The following PEX5L variants were observed in gnomAD, a reference collection of about 807,000 sequenced individuals.
PEX5L encodes the protein peroxisomal biogenesis factor 5 like, also known as PEX5-related protein.
A neutral mutation model predicts 84.0 loss-of-function variants in PEX5L; 30 were observed. That is an observed-to-expected ratio of 0.36 (90% confidence interval 0.27 to 0.48). The LOEUF (loss-of-function observed/expected upper bound fraction) is 0.48, where lower values mean the gene tolerates loss of function less well. PEX5L is among the 20% of genes least tolerant of loss of function. The pLI is 0.99. For missense variants in PEX5L, 533 were observed against 754.6 expected, an observed-to-expected ratio of 0.71 and a Z score of 3.44; for synonymous variants, 270 against 283.1, an observed-to-expected ratio of 0.95 and a Z score of 0.46.
chr3:179,975,721 C>T (rs1469026849), intron 1 of PEX5L, among the ~76,000 whole-genome samples: 1 of 152,158 alleles, frequency 6.6e-6, no homozygotes, highest in East Asian at 1.9e-4. Flanking sequence ...TCCTCTTTTT[C>T]ACCTATCTTC....
intron 2 of PEX5L, among the ~76,000 whole-genome samples, chr3:179,927,918 A>T (rs1771912793): frequency 6.6e-6 from 1 of 152,238 alleles, no homozygotes; most frequent in Admixed American, 6.5e-5. Context: ...TATATCAAAA[A>T]TTATCATTTC....
chr3:179,953,214 A>T (rs1242834427), intron 2 of PEX5L, among the ~76,000 whole-genome samples: 1 of 152,202 alleles, frequency 6.6e-6, no homozygotes, highest in Admixed American at 6.5e-5. Flanking sequence ...TGACTAAAAC[A>T]CCAAAAGCAA....
At chr3:179,899,782 T>C (rs944743716) in intron 2 of PEX5L, among the ~76,000 whole-genome samples, 1 of 152,194 alleles carries the variant, frequency 6.6e-6, no homozygotes, top group Non-Finnish European at 1.5e-5. Context: ...TATTGAATTA[T>C]AATGTGTTAT....
intron 8 of PEX5L, among the ~76,000 whole-genome samples, chr3:179,829,282 A>G (rs1210757016): frequency 6.6e-6 from 1 of 152,210 alleles, no homozygotes; most frequent in Non-Finnish European, 1.5e-5. Flanking sequence ...CTGAAGTAAG[A>G]GAAATTCTCT....
intron 1 of PEX5L, among the ~76,000 whole-genome samples, chr3:180,011,330 G>A (rs1199812401): frequency 6.6e-6 from 1 of 152,166 alleles, no homozygotes; most frequent in Admixed American, 6.5e-5. Flanking sequence ...CGACGATTTA[G>A]CTATTCAGAG....
intron 1 of PEX5L, among the ~76,000 whole-genome samples, chr3:179,988,165 C>T (rs891644093): frequency 6.6e-6 from 1 of 152,018 alleles, no homozygotes; most frequent in Non-Finnish European, 1.5e-5. Context: ...TTTAGGAGGC[C>T]AAGGTGGGTG....
chr3:179,870,978 A>T (rs532686854), intron 7 of PEX5L, among the ~76,000 whole-genome samples: 65 of 152,282 alleles, frequency 4.3e-4, no homozygotes, highest in Middle Eastern at 3.4e-3. Flanking sequence ...TCTGAAATAC[A>T]ATTTTTAAAG....
intron 1 of PEX5L, among the ~76,000 whole-genome samples, chr3:179,991,585 T>G (rs1042205848): frequency 6.6e-6 from 1 of 152,162 alleles, no homozygotes; most frequent in African/African-American, 2.4e-5. Flanking sequence ...GAGAAAGCAT[T>G]GTCTGGCAGG....
At chr3:179,916,801 C>T (rs533575854) in intron 2 of PEX5L, among the ~76,000 whole-genome samples, 16 of 152,162 alleles carry the variant, frequency 1.1e-4, no homozygotes, top group African/African-American at 3.6e-4. Flanking sequence ...TCCTGAGCGG[C>T]TAGGATTACA....
chr3:180,025,856 T>A (rs550892589), intron 1 of PEX5L, among the ~76,000 whole-genome samples: 1 of 152,356 alleles, frequency 6.6e-6, no homozygotes, highest in South Asian at 2.1e-4. Flanking sequence ...ATTATTATAT[T>A]CTAAGACCCT....
At chr3:180,026,096 G>C (rs1461465715) in intron 1 of PEX5L, among the ~76,000 whole-genome samples, 1 of 149,858 alleles carries the variant, frequency 6.7e-6, no homozygotes, top group Non-Finnish European at 1.5e-5. Flanking sequence ...ATTATTAAGC[G>C]ACGTATGATG....
rs1716993120 is a variant in PEX5L, at chr3:179,796,449, G to C, written c.*5379C>G. 1.3e-5 allele frequency: 2 copies of C among 151,918 alleles called. No homozygotes were observed. The highest frequency in any genetic ancestry group is 2.9e-5 in the Non-Finnish European group (2 of 67,990). 9.4% of individuals were successfully genotyped at this position (151,918 alleles called of 1,614,324 possible). A position where few individuals can be genotyped will look rare whatever the true frequency, so the allele number is the denominator to read the frequency against. ...TATTTCTGCAGAAGCTGCAGGTAGT[G>C]GAAACTTCGTTCAAGGCAAAATACC... is the stretch of plus-strand genomic sequence containing the variant. On this transcript the variant is annotated 3_prime_UTR_variant, in exon 15 of 15. Coordinates refer to ENST00000467460, the MANE Select transcript of PEX5L (RefSeq NM_016559.3).
At chr3:179,919,083 C>T (rs1768309907) in intron 2 of PEX5L, among the ~76,000 whole-genome samples, 1 of 152,178 alleles carries the variant, frequency 6.6e-6, no homozygotes, top group African/African-American at 2.4e-5. Context: ...CACATCTGTA[C>T]ATCCTGGATT....
chr3:179,815,759 A>G (rs1725829537), intron 10 of PEX5L, 102 bp downstream of exon 10: 1 of 1,277,722 alleles, frequency 7.8e-7, no homozygotes, highest in Non-Finnish European at 1.1e-6. Flanking sequence ...TCCTCTGGGA[A>G]CCTTTACTTG....
intron 1 of PEX5L, among the ~76,000 whole-genome samples, chr3:179,976,491 TC>T (rs1163462189): frequency 3.3e-5 from 5 of 152,030 alleles, no homozygotes; most frequent in Non-Finnish European, 5.9e-5. Context: ...AGGCTGGAGT[TC>T]CGTGATGTGA....
At chr3:179,998,550 C>A (rs368881096) in intron 1 of PEX5L, among the ~76,000 whole-genome samples, 2 of 152,218 alleles carry the variant, frequency 1.3e-5, no homozygotes, top group African/African-American at 2.4e-5. Context: ...CTGCAGATAA[C>A]TACTCTCCTT....
At chr3:180,018,522 AT>A (rs1561070208) in intron 1 of PEX5L, among the ~76,000 whole-genome samples, 2 of 152,188 alleles carry the variant, frequency 1.3e-5, no homozygotes, top group Non-Finnish European at 2.9e-5. Context: ...ATGAAAACAT[AT>A]TTTTTGAAGT....
chr3:179,811,837 T>G lies in PEX5L; in HGVS notation c.1118A>C (p.Asn373Thr). ...WQFLGITQAE[N>T]ENEQAAIVAL... ...GACAATAGCTGCTTGTTCATTTTCA[T>G]TCTCCGCCTGGGTTATCCCGAGGAA... Residue 373 changes from asparagine (N) to threonine (T), a missense_variant, in exon 11 of 15, where the codon AAT becomes ACT. Coordinates refer to ENST00000467460, the MANE Select transcript of PEX5L (RefSeq NM_016559.3). 2 of 1,614,136 alleles carry G rather than the reference T, an allele frequency of 1.2e-6. No individual in the cohort carries two copies. The highest frequency in any genetic ancestry group is 8.5e-7 in the Non-Finnish European group (1 of 1,179,982).
At chr3:179,896,344 T>C (rs1181902626) in intron 3 of PEX5L, among the ~76,000 whole-genome samples, 2 of 152,120 alleles carry the variant, frequency 1.3e-5, no homozygotes, top group South Asian at 2.1e-4. Flanking sequence ...AAGAATATGA[T>C]GCATCAGATA....
Sources: gnomAD v4.1 joint callset for allele counts (sites outside exome capture counted in the v4.1 genomes callset) on GRCh38, gnomAD v4.1.1 for gene constraint, MANE v1.5 for transcripts, NCBI Gene and HGNC (gene_info 2026-07-23, HGNC 2026-07-21) for gene names.